Variants in PDE4D observed in about 807,000 individuals in gnomAD.
PDE4D encodes 3',5'-cyclic-AMP phosphodiesterase 4D.
Under a neutral mutation model 87.4 loss-of-function variants are expected in PDE4D, and 24 were observed. The observed-to-expected ratio is 0.27, with a 90% CI of 0.20 to 0.39. The LOEUF (loss-of-function observed/expected upper bound fraction) is 0.39. Among genes scored for constraint, PDE4D ranks in the 10% least tolerant of loss-of-function variants. The pLI is 1.00. For missense variants in PDE4D, 714 were observed against 1,041.0 expected (o/e 0.69, Z 4.32); for synonymous variants, 384 against 383.2 (o/e 1.00, Z -0.02).
At chr5:60,429,419 A>C (rs1744000155) in intron 1 of PDE4D, among the ~76,000 whole-genome samples, 1 of 152,106 alleles carries the variant, frequency 6.6e-6, no homozygotes. Context: ...TGACAGAGGT[A>C]GTTTGATTTT....
intron 5 of PDE4D, among the ~76,000 whole-genome samples, chr5:59,139,638 T>A (rs938715167): frequency 2.6e-5 from 4 of 151,548 alleles, no homozygotes; most frequent in Admixed American, 6.6e-5. Flanking sequence ...CCAATTTTTT[T>A]ATTTTTTTTA....
At chr5:60,320,084 A>C (rs914381939) in intron 1 of PDE4D, among the ~76,000 whole-genome samples, 17 of 152,208 alleles carry the variant, frequency 1.1e-4, no homozygotes, top group Non-Finnish European at 2.1e-4. Context: ...CCAGAGGTGT[A>C]GTCTACAGAG....
chr5:59,911,590 G>GTTTGTT (rs1561851238), intron 3 of PDE4D, among the ~76,000 whole-genome samples: 2 of 152,106 alleles, frequency 1.3e-5, no homozygotes, highest in Admixed American at 1.3e-4. Flanking sequence ...ATTGCAATTC[G>GTTTGTT]TTTGTTTTGA....
intron 2 of PDE4D, among the ~76,000 whole-genome samples, chr5:60,170,047 T>C (rs1244251481): frequency 6.6e-6 from 1 of 152,002 alleles, no homozygotes; most frequent in Non-Finnish European, 1.5e-5. Context: ...ACCTCATAAA[T>C]TATACTGACC....
intron 5 of PDE4D, among the ~76,000 whole-genome samples, chr5:59,146,651 G>T (rs970156109): frequency 6.6e-6 from 1 of 151,850 alleles, no homozygotes; most frequent in Non-Finnish European, 1.5e-5. Context: ...GTACTTGGAA[G>T]TTCTTCTTAT....
intron 1 of PDE4D, among the ~76,000 whole-genome samples, chr5:59,227,133 G>C (rs146612504): frequency 6.6e-6 from 1 of 152,194 alleles, no homozygotes; most frequent in East Asian, 1.9e-4. Context: ...CACTTTCTAA[G>C]ATCACTTCTA....
At chr5:60,224,697 C>T (rs1744882995) in intron 1 of PDE4D, among the ~76,000 whole-genome samples, 1 of 152,120 alleles carries the variant, frequency 6.6e-6, no homozygotes, top group Non-Finnish European at 1.5e-5. Context: ...AGCTGCAAAA[C>T]TTCTTGTTAT....
At chr5:59,648,211 A>G (rs1742795753) in intron 1 of PDE4D, among the ~76,000 whole-genome samples, 1 of 152,208 alleles carries the variant, frequency 6.6e-6, no homozygotes, top group Non-Finnish European at 1.5e-5. Flanking sequence ...AGAAAAAGAA[A>G]TTCCAAGAAG....
chr5:59,762,819 T>G (rs553198232), intron 1 of PDE4D, among the ~76,000 whole-genome samples: 2 of 141,808 alleles, frequency 1.4e-5, no homozygotes, highest in East Asian at 4.0e-4. Flanking sequence ...ACTCTATTCC[T>G]ATACTACGTA....
intron 1 of PDE4D, among the ~76,000 whole-genome samples, chr5:59,282,918 C>T (rs1226106998): frequency 1.3e-5 from 2 of 152,146 alleles, no homozygotes; most frequent in African/African-American, 2.4e-5. Flanking sequence ...TGTAAAACAG[C>T]TGCTCTGAGA....
chr5:59,704,831 C>CA (rs1314172037), intron 1 of PDE4D, among the ~76,000 whole-genome samples: 3 of 152,096 alleles, frequency 2.0e-5, no homozygotes, highest in Non-Finnish European at 4.4e-5. Flanking sequence ...TATCATAATC[C>CA]AACTTACATA....
chr5:59,578,867 G>T (rs2153699114), intron 1 of PDE4D, among the ~76,000 whole-genome samples: 1 of 152,132 alleles, frequency 6.6e-6, no homozygotes, highest in Non-Finnish European at 1.5e-5. Context: ...TTTCCTTAGG[G>T]ACATGCTTCC....
chr5:59,606,350 A>G (rs1387375758), intron 1 of PDE4D, among the ~76,000 whole-genome samples: 6 of 152,128 alleles, frequency 3.9e-5, no homozygotes, highest in Non-Finnish European at 7.4e-5. Flanking sequence ...CAGCAGGAGG[A>G]GAGTGAAATA....
At chr5:60,211,475 A>G (rs1023046736) in intron 1 of PDE4D, among the ~76,000 whole-genome samples, 24 of 149,750 alleles carry the variant, frequency 1.6e-4, no homozygotes, top group Non-Finnish European at 2.4e-4. Context: ...TAGGGAATAT[A>G]TATATGTATA....
intron 1 of PDE4D, among the ~76,000 whole-genome samples, chr5:60,339,122 A>AT (rs1280483803): frequency 1.3e-5 from 2 of 152,152 alleles, no homozygotes; most frequent in Non-Finnish European, 2.9e-5. Context: ...CCCTCTTCAC[A>AT]TCTTCATGGA....
At chr5:59,766,389 G>T (rs1271830802) in intron 1 of PDE4D, among the ~76,000 whole-genome samples, 1 of 152,200 alleles carries the variant, frequency 6.6e-6, no homozygotes, top group Non-Finnish European at 1.5e-5. Flanking sequence ...GATAGAAATT[G>T]TGCTCATGAA....
At chr5:59,209,801 A>G (rs553954365) in intron 2 of PDE4D, among the ~76,000 whole-genome samples, 3 of 152,288 alleles carry the variant, frequency 2.0e-5, no homozygotes, top group African/African-American at 7.2e-5. Context: ...TGAAAACCCA[A>G]TTTTGCAAAG....
chr5:60,330,483 C>G (rs1258642219), intron 1 of PDE4D, among the ~76,000 whole-genome samples: 1 of 152,160 alleles, frequency 6.6e-6, no homozygotes, highest in Non-Finnish European at 1.5e-5. Context: ...TCTTGGCATC[C>G]ATGATAAGTG....
chr5:60,434,707 ATCTC>A, intron 1 of PDE4D, among the ~76,000 whole-genome samples: 1 of 152,194 alleles, frequency 6.6e-6, no homozygotes, highest in African/African-American at 2.4e-5. Flanking sequence ...CCATTCCTAA[ATCTC>A]TCTGATTCCA....
Sources: gnomAD v4.1 joint callset for allele counts (sites outside exome capture counted in the v4.1 genomes callset) on GRCh38, gnomAD v4.1.1 for gene constraint, MANE v1.5 for transcripts, NCBI Gene and HGNC (gene_info 2026-07-23, HGNC 2026-07-21) for gene names.